F13A1: variants seen among roughly 807,000 people sequenced by gnomAD.
F13A1 encodes coagulation factor XIII A chain, also known as FSF, A subunit.
Under a neutral mutation model 80.1 loss-of-function variants are expected in F13A1, and 47 were observed. The ratio of observed to expected loss-of-function variants is 0.59; its 90% CI spans 0.46 to 0.75. F13A1 has a LOEUF of 0.75. F13A1 is among the 30% of genes least tolerant of loss of function. The probability of loss-of-function intolerance (pLI) is 0.00; values close to 1 mark genes in which losing one functional copy is unlikely to be tolerated. For missense variants in F13A1, 817 were observed against 930.4 expected (o/e 0.88, Z 1.59); for synonymous variants, 349 against 344.9 (o/e 1.01, Z -0.13).
At chr6:6,252,099 G>A (rs1047672292) in intron 4 of F13A1, among the ~76,000 whole-genome samples, 6 of 152,088 alleles carry the variant, frequency 3.9e-5, no homozygotes, top group South Asian at 2.1e-4. Context: ...TCATGACACC[G>A]GGGGATGGAA....
intron 11 of F13A1, among the ~76,000 whole-genome samples, 166 bp downstream of exon 11, chr6:6,181,822 A>C (rs1406757634): frequency 4.6e-5 from 7 of 152,200 alleles, no homozygotes; most frequent in Admixed American, 1.3e-4. Flanking sequence ...TACAATGAAA[A>C]ATTGCATATG....
chr6:6,153,723 T>C (rs1760423874), intron 13 of F13A1, among the ~76,000 whole-genome samples: 1 of 152,128 alleles, frequency 6.6e-6, no homozygotes, highest in South Asian at 2.1e-4. Context: ...AGTCTGGTAA[T>C]GGGTGGATCC....
At chr6:6,150,781 C>T (rs1267051881) in intron 14 of F13A1, among the ~76,000 whole-genome samples, 1 of 152,056 alleles carries the variant, frequency 6.6e-6, no homozygotes, top group African/African-American at 2.4e-5. Flanking sequence ...AAGTAATAAA[C>T]CTCAAAGATT....
chr6:6,290,158 A>G (rs1389475901), intron 3 of F13A1, among the ~76,000 whole-genome samples: 1 of 152,274 alleles, frequency 6.6e-6, no homozygotes, highest in Non-Finnish European at 1.5e-5. Context: ...TATGGTTGAA[A>G]GAAGCCAAAT....
chr6:6,215,299 A>G (rs9392760), intron 8 of F13A1, among the ~76,000 whole-genome samples: 58 of 119,806 alleles, frequency 4.8e-4, no homozygotes, highest in Middle Eastern at 4.7e-3. Flanking sequence ...CTGGCAAACC[A>G]AATCCAGCAG....
rs1055430926 is a variant in F13A1 at position 6,243,651 on chromosome 6, T to C, written c.798+4661A>G. 6.6e-6 allele frequency among the ~76,000 whole-genome samples: 1 copy of C among 152,162 alleles called. No homozygotes were observed. The highest frequency in any genetic ancestry group is 2.1e-4 in the South Asian group (1 of 4,830). On this transcript the variant is annotated intron_variant, in intron 6 of 14. Transcript: ENST00000264870. The surrounding 1 kb of genome is among the most constrained non-coding windows in gnomAD (Gnocchi z 4.2). ...ATATGATCTGAGAGTAAGGACCATA[T>C]CTGGTTTCAGCTCAGCCACTTATTT...
At position 6,248,337 on chromosome 6, in the gene F13A1, T is replaced by C. The variant is rs142092590; in HGVS notation, c.773A>G (p.Lys258Arg). 9 of 1,613,914 alleles carry C rather than the reference T, an allele frequency of 5.6e-6. No individual in the cohort carries two copies. Among genetic ancestry groups the C allele is most frequent in the African/African-American group, 1.3e-5 (1 of 75,036 alleles). Reference sequence around the variant, plus strand: ...CATTGCAGACCCCACACGGCTGACTTTGATGGGATTCCCTCTTCCAGAGAG... The same window carrying C: ...CATTGCAGACCCCACACGGCTGACTCTGATGGGATTCCCTCTTCCAGAGAG... Reference protein sequence around the residue: ...MDLSGRGNPIKVSRVGSAMVN... With the variant: ...MDLSGRGNPIRVSRVGSAMVN... Residue 258 changes from lysine to arginine, a missense_variant, in exon 6 of 15, where the codon AAA becomes AGA. Physicochemically the swap from Lys to Arg is conservative, Grantham distance 26. Coordinates refer to ENST00000264870, the MANE Select transcript of F13A1 (RefSeq NM_000129.4).
At chr6:6,146,767 T>C (rs1760287612) in intron 14 of F13A1, among the ~76,000 whole-genome samples, 1 of 152,212 alleles carries the variant, frequency 6.6e-6, no homozygotes, top group African/African-American at 2.4e-5. Flanking sequence ...GAGTCCCATA[T>C]TCATACTCTT....
chr6:6,158,415 G>A (rs1026251801), intron 13 of F13A1, among the ~76,000 whole-genome samples: 2 of 152,184 alleles, frequency 1.3e-5, no homozygotes, highest in African/African-American at 2.4e-5. Context: ...CAGAGCATCT[G>A]ACACATACTA....
intron 3 of F13A1, among the ~76,000 whole-genome samples, chr6:6,281,048 G>GT (rs1384082659): frequency 1.3e-5 from 2 of 152,142 alleles, no homozygotes; most frequent in East Asian, 3.9e-4. Context: ...ATTGAACATC[G>GT]CATGGCTCCC....
chr6:6,223,067 A>G (rs1453604115), intron 7 of F13A1, among the ~76,000 whole-genome samples: 1 of 152,188 alleles, frequency 6.6e-6, no homozygotes, highest in Non-Finnish European at 1.5e-5. Flanking sequence ...CTGGCTGAAC[A>G]CTAATTCACA....
At chr6:6,264,673 C>A (rs1757820124) in intron 4 of F13A1, among the ~76,000 whole-genome samples, 1 of 152,198 alleles carries the variant, frequency 6.6e-6, no homozygotes, top group Admixed American at 6.5e-5. Flanking sequence ...TTATCTCCAA[C>A]TTAACATATT....
At chr6:6,199,208 G>A (rs1761347287) in intron 8 of F13A1, among the ~76,000 whole-genome samples, 1 of 152,208 alleles carries the variant, frequency 6.6e-6, no homozygotes, top group Admixed American at 6.5e-5. Context: ...CAGTACTATT[G>A]GTCGGGCGCA....
chr6:6,249,136 G>A (rs976391635), intron 5 of F13A1, among the ~76,000 whole-genome samples: 4 of 152,216 alleles, frequency 2.6e-5, no homozygotes, highest in African/African-American at 9.6e-5. Context: ...TACCTATACT[G>A]TACCTCACTG....
At chr6:6,265,863 A>G (rs1757836161) in intron 4 of F13A1, among the ~76,000 whole-genome samples, 1 of 152,236 alleles carries the variant, frequency 6.6e-6, no homozygotes, top group South Asian at 2.1e-4. Flanking sequence ...AGTTTTGATA[A>G]TCAAGCTTAA....
At position 6,218,396 on chromosome 6, in the gene F13A1, C is replaced by G. The variant is rs1757134797; in HGVS notation, c.1112+3637G>C. On this transcript the variant is annotated intron_variant, in intron 8 of 14. Coordinates refer to ENST00000264870, the MANE Select transcript of F13A1 (RefSeq NM_000129.4). ...CTGCAGCTAAACATTGAGCAAGCGT[C>G]TTCATTAAACTGTCCAGTGATTCAT... Among the ~76,000 whole-genome samples the G allele has an allele frequency of 2.0e-5, 3 of 152,298 alleles. No individual in the cohort carries two copies. In the South Asian group the frequency reaches 6.2e-4, roughly 32 times the overall value.
rs989320467 is a variant in F13A1, at chr6:6,233,168, G to T, written c.799-8308C>A. ...AAAAGATAAATGAAACAAAAAGCTG[G>T]TTATTTAAAAAGATAAATAAAATTG... On this transcript the variant is annotated intron_variant, in intron 6 of 14. Transcript: ENST00000264870. Among the ~76,000 whole-genome samples, 5 of 152,078 alleles carry T rather than the reference G, an allele frequency of 3.3e-5. No individual in the cohort carries two copies. The South Asian group carries it at 8.3e-4, about 25-fold the overall frequency.
At chr6:6,215,174 A>AG (rs1321162909) in intron 8 of F13A1, among the ~76,000 whole-genome samples, 1 of 132,344 alleles carries the variant, frequency 7.6e-6, no homozygotes, top group African/African-American at 2.7e-5. Context: ...TCCCTAACTC[A>AG]TTTTATGAGG....
intron 1 of F13A1, 86 bp from the exon 2 acceptor site, chr6:6,318,768 A>C (rs1758727058): frequency 3.5e-6 from 5 of 1,429,608 alleles, no homozygotes; most frequent in Middle Eastern, 1.8e-4. Flanking sequence ...ATAGAGAAAC[A>C]GATATATCTG....
Sources: gnomAD v4.1 joint callset for allele counts (sites outside exome capture counted in the v4.1 genomes callset) on GRCh38, gnomAD v4.1.1 for gene constraint, Gnocchi (gnomAD v3.1) non-coding constraint, MANE v1.5 for transcripts, NCBI Gene and HGNC (gene_info 2026-07-23, HGNC 2026-07-21) for gene names.